STRN3: variants seen among roughly 807,000 people sequenced by gnomAD.
The protein encoded by STRN3 is striatin-3.
In STRN3, 29 loss-of-function variants were observed where a neutral mutation model predicts 95.6. That is an observed-to-expected ratio of 0.30 (90% CI 0.23 to 0.41). STRN3 has a LOEUF of 0.41. Ranked by LOEUF, STRN3 falls within the 10% of genes least tolerant of loss-of-function variation. The pLI, the probability that STRN3 is intolerant of heterozygous loss-of-function variation, is 1.00. For missense variants in STRN3, 890 were observed against 972.1 expected, an observed-to-expected ratio of 0.92 and a Z score of 1.12; for synonymous variants, 331 against 357.6, an observed-to-expected ratio of 0.93 and a Z score of 0.84.
intron 16 of STRN3, among the ~76,000 whole-genome samples, chr14:30,899,482 T>C (rs1896246716): frequency 6.6e-6 from 1 of 152,236 alleles, no homozygotes. Context: ...TAGTGGTTCC[T>C]ACACATACAG....
intron 10 of STRN3, 154 bp from the exon 11 acceptor site, chr14:30,912,336 TA>T (rs1327194627): frequency 6.8e-6 from 4 of 588,118 alleles, no homozygotes; most frequent in Admixed American, 7.5e-5. Context: ...TAAAACTTTC[TA>T]AAAAAACTTT....
rs541745241 is a variant in STRN3, at chr14:30,925,409, A to G, written c.1099+3792T>C. On this transcript the variant is annotated intron_variant, in intron 8 of 17. Coordinates refer to ENST00000357479, the MANE Select transcript of STRN3 (RefSeq NM_001083893.2). ...TCTCTTTCCCTTCCAAAAAAAAAGA[A>G]AAAAGACTGGATTACATCTGCTGAT... 5.9e-5 allele frequency among the ~76,000 whole-genome samples: 9 copies of G among 152,292 alleles called. 1 individual carries two copies. Among genetic ancestry groups the G allele is most frequent in the African/African-American group, 1.9e-4 (8 of 41,564 alleles).
At chr14:30,989,941 C>G (rs979469015) in intron 1 of STRN3, among the ~76,000 whole-genome samples, 3 of 151,360 alleles carry the variant, frequency 2.0e-5, no homozygotes, top group Non-Finnish European at 4.4e-5. Context: ...ACAATGAAGA[C>G]TAAATCAAAA....
At chr14:31,009,296 C>T (rs747857220) in intron 1 of STRN3, among the ~76,000 whole-genome samples, 3 of 152,118 alleles carry the variant, frequency 2.0e-5, no homozygotes, top group Non-Finnish European at 4.4e-5. Context: ...TTCCCAACCT[C>T]GGCAATTATT....
intron 1 of STRN3, among the ~76,000 whole-genome samples, chr14:31,009,933 C>G (rs892649451): frequency 6.6e-6 from 1 of 151,580 alleles, no homozygotes. Context: ...ACACCATCTC[C>G]ATGAAAAAAA....
chr14:30,931,366 A>C (rs1878528715), intron 7 of STRN3, among the ~76,000 whole-genome samples: 1 of 152,210 alleles, frequency 6.6e-6, no homozygotes, highest in African/African-American at 2.4e-5. Flanking sequence ...AATGACGTTG[A>C]ATCATTTACA....
chr14:30,976,815 C>A (rs1306582171), intron 1 of STRN3, among the ~76,000 whole-genome samples: 1 of 152,210 alleles, frequency 6.6e-6, no homozygotes, highest in Non-Finnish European at 1.5e-5. Context: ...TTTAGCCAGG[C>A]ACTGTGGCTC....
chr14:30,941,680 C>G (rs1371385403), intron 5 of STRN3, among the ~76,000 whole-genome samples: 1 of 152,124 alleles, frequency 6.6e-6, no homozygotes, highest in East Asian at 1.9e-4. Context: ...GGCTGGAGTA[C>G]AGTGGCATGA....
chr14:30,940,211 G>A (rs1879028946), intron 5 of STRN3, among the ~76,000 whole-genome samples: 1 of 152,034 alleles, frequency 6.6e-6, no homozygotes, highest in Non-Finnish European at 1.5e-5. Flanking sequence ...TCTGGCTAAT[G>A]TCCAGGCCCA....
intron 5 of STRN3, among the ~76,000 whole-genome samples, chr14:30,943,684 T>C (rs1026058221): frequency 1.3e-5 from 2 of 152,182 alleles, no homozygotes; most frequent in Non-Finnish European, 2.9e-5. Flanking sequence ...TATGCATACA[T>C]TGGAATATCG....
In STRN3 at chr14:30,987,769, G is replaced by A. The variant is rs181839685; in HGVS notation, c.283-31527C>T. Among the ~76,000 whole-genome samples the A allele has an allele frequency of 4.0e-5, 6 of 149,146 alleles. No individual in the cohort carries two copies. The East Asian group carries it at 9.9e-4, about 25-fold the overall frequency. On this transcript the variant is annotated intron_variant, in intron 1 of 17. Transcript: ENST00000357479. The stretch of plus-strand genomic sequence containing the variant: ...TTTTTTTTTTTTGAGACAGACTCTC[G>A]TTCTGTTGCCCAGGCTGGAGTGCAG...
At chr14:31,011,290 G>A (rs1882957429) in intron 1 of STRN3, among the ~76,000 whole-genome samples, 1 of 152,152 alleles carries the variant, frequency 6.6e-6, no homozygotes, top group Non-Finnish European at 1.5e-5. Flanking sequence ...ACATTTTAAT[G>A]AGATGTCCTC....
chr14:31,013,864 TTATTATTATTA>T (rs1555327118), intron 1 of STRN3, among the ~76,000 whole-genome samples: 1 of 11,196 alleles, frequency 8.9e-5, no homozygotes, highest in Non-Finnish European at 2.0e-4. Context: ...CAAAGCAATT[TTATTATTATTA>T]TTATTATTAT....
chr14:31,018,386 T>A, intron 1 of STRN3: 1 of 352,952 alleles, frequency 2.8e-6, no homozygotes, highest in Non-Finnish European at 5.4e-6. Context: ...GAAATGTGTG[T>A]TGAATGAACA....
intron 1 of STRN3, chr14:31,018,793 C>T: frequency 2.2e-6 from 1 of 463,836 alleles, no homozygotes; most frequent in African/African-American, 2.0e-5. Flanking sequence ...AGCTCAACAA[C>T]TTCAGAACTC....
At chr14:30,934,326 A>T (rs1179146113) in intron 7 of STRN3, among the ~76,000 whole-genome samples, 1 of 152,066 alleles carries the variant, frequency 6.6e-6, no homozygotes, top group Non-Finnish European at 1.5e-5. Context: ...CTGTCTCAAA[A>T]AATAATAATA....
intron 12 of STRN3, 134 bp from the exon 13 acceptor site, chr14:30,911,296 T>C (rs1303406057): frequency 1.6e-5 from 1 of 63,386 alleles, no homozygotes; most frequent in East Asian, 1.3e-3. Flanking sequence ...TGACTGGTAC[T>C]TTTTTTTTTT....
intron 1 of STRN3, among the ~76,000 whole-genome samples, chr14:30,972,848 C>T (rs1042070482): frequency 5.3e-5 from 8 of 152,122 alleles, no homozygotes; most frequent in East Asian, 3.9e-4. Flanking sequence ...CCTCCCACAA[C>T]GAAAAGTGTG....
rs113686262 is a variant in STRN3 at position 30,896,961 on chromosome 14, T to C, written c.2138-1213A>G. ...AAGGGCATCCTGCAATGGTAATATATGCTTTGGATGGATAGAAAGCATTAT... is the reference window on the plus strand; with the variant it reads ...AAGGGCATCCTGCAATGGTAATATACGCTTTGGATGGATAGAAAGCATTAT... On this transcript the variant is annotated intron_variant, in intron 16 of 17. Transcript: ENST00000357479. Among the ~76,000 whole-genome samples, 698 of 152,344 alleles carry C rather than the reference T, an allele frequency of 4.6e-3. 5 individuals are homozygous for C. The highest frequency in any genetic ancestry group is 5.4e-3 in the Non-Finnish European group (369 of 68,034).
Sources: allele counts gnomAD v4.1 joint callset (sites outside exome capture counted in the v4.1 genomes callset), GRCh38; gene constraint gnomAD v4.1.1; transcripts MANE v1.5; gene names NCBI Gene and HGNC (gene_info 2026-07-23, HGNC 2026-07-21).